Variants in PRR16 observed in about 807,000 individuals in gnomAD.
PRR16 encodes the protein proline rich 16.
Under a neutral mutation model 18.2 loss-of-function variants are expected in PRR16, and 6 were observed. That is an observed-to-expected ratio of 0.33 (90% confidence interval 0.18 to 0.65). The LOEUF (loss-of-function observed/expected upper bound fraction) is 0.65, where lower values mean the gene tolerates loss of function less well. PRR16 is among the 30% of genes least tolerant of loss of function. The pLI is 0.74. For synonymous variants in PRR16, 151 were observed against 147.8 expected (o/e 1.02, Z -0.16); for missense variants, 412 against 376.6 (o/e 1.09, Z -0.78).
chr5:120,767,997 C>T, the PRR16 span, among the ~76,000 whole-genome samples: 1 of 151,786 alleles, frequency 6.6e-6, no homozygotes, highest in Non-Finnish European at 1.5e-5. Flanking sequence ...CAGAATTATG[C>T]AACCATCACC....
At chr5:120,483,557 C>G (rs1749691998) in intron 1 of PRR16, among the ~76,000 whole-genome samples, 1 of 151,948 alleles carries the variant, frequency 6.6e-6, no homozygotes, top group Non-Finnish European at 1.5e-5. Context: ...TTTCGGAGAC[C>G]ATATGTCAGA....
intron 1 of PRR16, among the ~76,000 whole-genome samples, chr5:120,663,215 T>C (rs994526350): frequency 2.6e-5 from 4 of 151,480 alleles, no homozygotes; most frequent in Admixed American, 6.6e-5. Flanking sequence ...CCTTTTTTTT[T>C]CCCTTAGCTG....
intron 1 of PRR16, among the ~76,000 whole-genome samples, chr5:120,504,263 A>C (rs1225456043): frequency 6.6e-6 from 1 of 152,174 alleles, no homozygotes; most frequent in East Asian, 1.9e-4. Flanking sequence ...AGAAGTAAAC[A>C]ACCAACCATG....
the PRR16 span, among the ~76,000 whole-genome samples, chr5:120,779,879 T>G: frequency 1.9e-3 from 292 of 152,264 alleles, no homozygotes; most frequent in Middle Eastern, 6.8e-3. Context: ...CAAGTAGCCT[T>G]GGGTCCTTTT....
the PRR16 span, among the ~76,000 whole-genome samples, chr5:120,779,140 A>C: frequency 6.6e-6 from 1 of 152,164 alleles, no homozygotes; most frequent in East Asian, 1.9e-4. Context: ...GCAGTTACAC[A>C]AAGAAGTTTT....
chr5:120,501,661 T>C (rs1160381057), intron 1 of PRR16, among the ~76,000 whole-genome samples: 1 of 152,034 alleles, frequency 6.6e-6, no homozygotes, highest in Non-Finnish European at 1.5e-5. Context: ...ACACATAATG[T>C]AGTCCAGTTG....
chr5:120,754,559 T>TTTATATTTTATATATTA, the PRR16 span, among the ~76,000 whole-genome samples: 1 of 59,392 alleles, frequency 1.7e-5, no homozygotes, highest in African/African-American at 8.9e-5. Context: ...ATAATATATA[T>TTTATATTTTATATATTA]TATATAATAT....
At chr5:120,493,791 A>T (rs961473447) in intron 1 of PRR16, among the ~76,000 whole-genome samples, 1 of 152,116 alleles carries the variant, frequency 6.6e-6, no homozygotes, top group African/African-American at 2.4e-5. Flanking sequence ...ATTATATGTA[A>T]TCTTTTGTGG....
intron 1 of PRR16, among the ~76,000 whole-genome samples, chr5:120,598,929 C>A (rs933660693): frequency 1.3e-5 from 2 of 151,666 alleles, no homozygotes; most frequent in Non-Finnish European, 2.9e-5. Context: ...TTTTGTTCAT[C>A]TTTTTAATTA....
intron 1 of PRR16, among the ~76,000 whole-genome samples, chr5:120,622,888 T>C (rs1754737053): frequency 6.6e-6 from 1 of 152,178 alleles, no homozygotes; most frequent in African/African-American, 2.4e-5. Flanking sequence ...GGAATTTGAT[T>C]TGCAGAAACT....
chr5:120,559,081 C>T (rs1325792923), intron 1 of PRR16, among the ~76,000 whole-genome samples: 1 of 151,732 alleles, frequency 6.6e-6, no homozygotes, highest in East Asian at 1.9e-4. Flanking sequence ...ATTTTCTCCC[C>T]TTCTATGTGT....
the PRR16 span, among the ~76,000 whole-genome samples, chr5:120,726,139 G>A: frequency 1.3e-5 from 2 of 152,110 alleles, no homozygotes; most frequent in African/African-American, 4.8e-5. Flanking sequence ...TAGACTGCAT[G>A]TGATTTTGGT....
chr5:120,749,621 G>A, the PRR16 span, among the ~76,000 whole-genome samples: 2 of 152,060 alleles, frequency 1.3e-5, no homozygotes, highest in African/African-American at 4.8e-5. Context: ...TTTGCATTGA[G>A]AGCTGCTAAG....
chr5:120,559,816 C>T (rs1752522273), intron 1 of PRR16, among the ~76,000 whole-genome samples: 1 of 151,672 alleles, frequency 6.6e-6, no homozygotes, highest in African/African-American at 2.4e-5. Flanking sequence ...TTTTTTGTGT[C>T]CTGTTCAATT....
chr5:120,752,984 T>TTCA, the PRR16 span, among the ~76,000 whole-genome samples: 1 of 5,904 alleles, frequency 1.7e-4, no homozygotes, highest in South Asian at 0.25. Context: ...GATAATATTA[T>TTCA]TGATGTCAAA....
At chr5:120,578,661 G>T (rs1350786923) in intron 1 of PRR16, among the ~76,000 whole-genome samples, 1 of 152,076 alleles carries the variant, frequency 6.6e-6, no homozygotes, top group African/African-American at 2.4e-5. Flanking sequence ...TGGACATTTG[G>T]GTTTGTTCCA....
chr5:120,483,551 G>A (rs1409398775), intron 1 of PRR16, among the ~76,000 whole-genome samples: 6 of 151,852 alleles, frequency 4.0e-5, no homozygotes, highest in South Asian at 2.1e-4. Context: ...TCTGATTTTC[G>A]GAGACCATAT....
At chr5:120,505,737 C>G (rs1750619820) in intron 1 of PRR16, among the ~76,000 whole-genome samples, 1 of 147,644 alleles carries the variant, frequency 6.8e-6, no homozygotes, top group Non-Finnish European at 1.5e-5. Context: ...ATTAATTTCT[C>G]AAAAGCTATA....
At chr5:120,735,257 A>T in the PRR16 span, among the ~76,000 whole-genome samples, 1 of 152,142 alleles carries the variant, frequency 6.6e-6, no homozygotes, top group African/African-American at 2.4e-5. Context: ...TTATCCATTG[A>T]TCTGTAGGCG....
Sources: allele counts gnomAD v4.1 joint callset (sites outside exome capture counted in the v4.1 genomes callset), GRCh38; gene constraint gnomAD v4.1.1; transcripts MANE v1.5; gene names NCBI Gene and HGNC (gene_info 2026-07-23, HGNC 2026-07-21).